ZNF43: variants seen among roughly 807,000 people sequenced by gnomAD.
ZNF43 encodes zinc finger protein 39-like 1 (KOX 27).
Under a neutral mutation model 68.4 loss-of-function variants are expected in ZNF43, and 44 were observed. The observed-to-expected ratio is 0.64, with a 90% CI of 0.51 to 0.83. ZNF43 has a LOEUF of 0.83. Among genes scored for constraint, ZNF43 ranks in the 40% least tolerant of loss-of-function variants. The probability of loss-of-function intolerance (pLI) is 0.00; values close to 1 mark genes in which losing one functional copy is unlikely to be tolerated. For missense variants in ZNF43, 896 were observed against 933.2 expected (o/e 0.96, Z 0.52); for synonymous variants, 308 against 307.8 (o/e 1.00, Z -0.01).
chr19:21,822,580 T>C (rs964147548), intron 1 of ZNF43, among the ~76,000 whole-genome samples: 1 of 151,412 alleles, frequency 6.6e-6, no homozygotes, highest in African/African-American at 2.4e-5. Context: ...CCGAGGCGGG[T>C]GGATCACAAG....
chr19:21,818,253 C>T (rs1187283964), intron 2 of ZNF43, among the ~76,000 whole-genome samples: 1 of 152,000 alleles, frequency 6.6e-6, no homozygotes, highest in Non-Finnish European at 1.5e-5. Context: ...CAAGCGTGTG[C>T]CACCATGCCT....
At chr19:21,821,599 T>C (rs971613559) in intron 1 of ZNF43, among the ~76,000 whole-genome samples, 2 of 152,176 alleles carry the variant, frequency 1.3e-5, no homozygotes. Flanking sequence ...AATAGAAATC[T>C]TGAGTATCCA....
At chr19:21,820,266 C>CATATATATTAATATATTTTATATATAT in intron 1 of ZNF43, among the ~76,000 whole-genome samples, 1 of 53,602 alleles carries the variant, frequency 1.9e-5, no homozygotes, top group Non-Finnish European at 3.4e-5. Context: ...TATATATATA[C>CATATATATTAATATATTTTATATATAT]ACACACATAT....
chr19:21,840,017 A>T (rs1451523084), upstream of ZNF43: 2 of 145,506 alleles, frequency 1.4e-5, no homozygotes, highest in African/African-American at 5.7e-5. Context: ...TGGTAGAAAG[A>T]GAGTCACATT....
chr19:21,820,586 AAAG>A (rs2037774769), intron 1 of ZNF43, among the ~76,000 whole-genome samples: 2 of 150,430 alleles, frequency 1.3e-5, no homozygotes, highest in South Asian at 2.1e-4. Context: ...TCAAAAAAAA[AAAG>A]AAAGAAAAAA....
intron 2 of ZNF43, among the ~76,000 whole-genome samples, chr19:21,818,719 C>G (rs2037653486): frequency 1.3e-5 from 2 of 152,136 alleles, no homozygotes; most frequent in Non-Finnish European, 2.9e-5. Flanking sequence ...CATGCCTGGC[C>G]TTTAACAAAA....
At chr19:21,832,621 C>T (rs1449308063) in intron 1 of ZNF43, among the ~76,000 whole-genome samples, 1 of 77,430 alleles carries the variant, frequency 1.3e-5, no homozygotes, top group East Asian at 3.1e-4. Context: ...CAGTGGCTCA[C>T]TTTAGGAGGC....
chr19:21,848,986 C>A (rs373671641), intron 1 of ZNF43, among the ~76,000 whole-genome samples: 8 of 152,236 alleles, frequency 5.3e-5, no homozygotes, highest in African/African-American at 1.9e-4. Flanking sequence ...CAAACTCCTG[C>A]GGAATGTTCA....
chr19:21,833,147 T>C (rs780516476), intron 1 of ZNF43, among the ~76,000 whole-genome samples: 6 of 152,196 alleles, frequency 3.9e-5, no homozygotes, highest in Non-Finnish European at 5.9e-5. Context: ...CTTGGTAGCA[T>C]TCTAAAAGCT....
chr19:21,811,592 G>A (rs2037276004), intron 3 of ZNF43, among the ~76,000 whole-genome samples: 2 of 149,844 alleles, frequency 1.3e-5, no homozygotes. Flanking sequence ...ACAATAAAGA[G>A]GCATTATACT....
chr19:21,849,623 A>T (rs1396103084), intron 1 of ZNF43, among the ~76,000 whole-genome samples: 2 of 151,652 alleles, frequency 1.3e-5, no homozygotes, highest in East Asian at 3.9e-4. Flanking sequence ...CAGCCTGGCC[A>T]ACATGGCAAA....
chr19:21,829,800 A>G (rs2038334501), intron 1 of ZNF43, among the ~76,000 whole-genome samples: 1 of 152,188 alleles, frequency 6.6e-6, no homozygotes, highest in Admixed American at 6.5e-5. Context: ...ATTTCAGTAG[A>G]CATTGGATTC....
rs74174041 is a variant in ZNF43 at position 21,806,169 on chromosome 19, C to CTTTTTTTTT, written c.*1429_*1437dup. On this transcript the variant is annotated 3_prime_UTR_variant, in exon 4 of 4. Transcript: ENST00000354959. ...CTCCAGTTACATTTTCATCACGCAT[C>CTTTTTTTTT]TTTTTTTTTTTTTTTTTTCTTTTTG... is the stretch of plus-strand genomic sequence containing the variant. 7.9e-6 allele frequency: 1 copy of CTTTTTTTTT among 126,122 alleles called. No individual in the cohort carries two copies. Among genetic ancestry groups the CTTTTTTTTT allele is most frequent in the African/African-American group, 2.9e-5 (1 of 35,062 alleles). The allele number at this position is 126,122 out of a possible 1,614,324, so 7.8% of individuals were successfully genotyped here. A position where few individuals can be genotyped will look rare whatever the true frequency, so the allele number is the denominator to read the frequency against.
chr19:21,806,380 G>T lies in ZNF43; in HGVS notation c.*1227C>A, dbSNP rs1324760575. The T allele has an allele frequency of 4.6e-5, 7 of 152,038 alleles. No homozygotes were observed. The highest frequency in any genetic ancestry group is 1.7e-4 in the African/African-American group (7 of 41,376). 9.4% of individuals were successfully genotyped at this position (152,038 alleles called of 1,614,324 possible). A position where few individuals can be genotyped will look rare whatever the true frequency, so the allele number is the denominator to read the frequency against. On this transcript the variant is annotated 3_prime_UTR_variant, in exon 4 of 4. Coordinates refer to ENST00000354959, the MANE Select transcript of ZNF43 (RefSeq NM_003423.4). ...GGGTTTCACCATGTTGGTCAGGCTGGTCTCAAACTCCTGACCTCAGGTGAT... is the reference window on the plus strand; with the variant it reads ...GGGTTTCACCATGTTGGTCAGGCTGTTCTCAAACTCCTGACCTCAGGTGAT...
upstream of ZNF43, among the ~76,000 whole-genome samples, chr19:21,836,873 T>C (rs1967139166): frequency 6.6e-6 from 1 of 152,232 alleles, no homozygotes; most frequent in African/African-American, 2.4e-5. Flanking sequence ...ATTATAGGCA[T>C]GAACCATCAC....
chr19:21,832,198 G>A lies in ZNF43; in HGVS notation c.3+3838C>T, dbSNP rs137915603. Among the ~76,000 whole-genome samples the A allele has an allele frequency of 4.1e-3, 620 of 152,104 alleles. 4 individuals are homozygous for A. The highest frequency in any genetic ancestry group is 0.014 in the African/African-American group (592 of 41,492). ...TATAGAAACAAACTCATAGACAAAT[G>A]CAACAGAATAGAGAGCCCAGAAATA... On this transcript the variant is annotated intron_variant, in intron 1 of 3. Coordinates refer to ENST00000354959, the MANE Select transcript of ZNF43 (RefSeq NM_003423.4).
chr19:21,814,038 C>T (rs1437606698), intron 3 of ZNF43, among the ~76,000 whole-genome samples: 1 of 151,974 alleles, frequency 6.6e-6, no homozygotes, highest in African/African-American at 2.4e-5. Flanking sequence ...CCTGGGATTA[C>T]AGATGTGAGT....
intron 1 of ZNF43, among the ~76,000 whole-genome samples, chr19:21,844,096 T>C (rs999712186): frequency 6.6e-6 from 1 of 152,000 alleles, no homozygotes; most frequent in Non-Finnish European, 1.5e-5. Flanking sequence ...TTTGTGATTG[T>C]ATAAAACCAT....
intron 1 of ZNF43, among the ~76,000 whole-genome samples, chr19:21,850,511 G>T (rs566451890): frequency 3.8e-4 from 58 of 151,202 alleles, no homozygotes; most frequent in African/African-American, 1.4e-3. Flanking sequence ...AGTGAGCCGA[G>T]ATCGCACCAC....
Sources: allele counts gnomAD v4.1 joint callset (sites outside exome capture counted in the v4.1 genomes callset), GRCh38; gene constraint gnomAD v4.1.1; transcripts MANE v1.5; gene names NCBI Gene and HGNC (gene_info 2026-07-23, HGNC 2026-07-21).